Variants in DIAPH2 observed in about 807,000 individuals in gnomAD.
DIAPH2 encodes the protein protein diaphanous homolog 2.
In DIAPH2, 35 loss-of-function variants were observed where a neutral mutation model predicts 92.7. That is an observed-to-expected ratio of 0.38 (90% CI 0.29 to 0.50). The LOEUF is 0.50. Among genes scored for constraint, DIAPH2 ranks in the 20% least tolerant of loss-of-function variants. The pLI, the probability that DIAPH2 is intolerant of heterozygous loss-of-function variation, is 0.94. For missense variants in DIAPH2, 701 were observed against 819.5 expected, an observed-to-expected ratio of 0.86 and a Z score of 1.77; for synonymous variants, 301 against 280.4, an observed-to-expected ratio of 1.07 and a Z score of -0.73.
rs757350667 is a variant in DIAPH2 at position 96,965,133 on chromosome X, G to T, written c.1976G>T (p.Arg659Ile). ...TELSENCFWLRVKEDKFENPD... is the reference protein window; with the variant it reads ...TELSENCFWLIVKEDKFENPD... Reference sequence around the variant, plus strand: ...TTATCTGAGAACTGTTTCTGGTTAAGAGTCAAAGAAGACAAGTTTGAGAAT... The same window carrying T: ...TTATCTGAGAACTGTTTCTGGTTAATAGTCAAAGAAGACAAGTTTGAGAAT... Residue 659 changes from arginine to isoleucine, a missense_variant, in exon 17 of 27, where the codon AGA (arginine) becomes ATA (isoleucine). By Grantham distance (97) the Arg-to-Ile change is moderately conservative. Transcript: ENST00000324765. 4 of 1,196,014 alleles carry T rather than the reference G, an allele frequency of 3.3e-6. No individual in the cohort carries two copies. In the Admixed American group the frequency reaches 8.9e-5, roughly 27 times the overall value.
In DIAPH2 at chrX:97,515,558, C is replaced by T. The variant is rs192186128; in HGVS notation, c.3242-83695C>T. ...GAACCCAAACCTGTGTATTCTTATG[C>T]TTAGGTTTGATGAAGAAGTGGAGGG... is the stretch of plus-strand genomic sequence containing the variant. On this transcript the variant is annotated intron_variant, in intron 26 of 26. Transcript: ENST00000324765. Among the ~76,000 whole-genome samples, 622 of 112,027 alleles carry T rather than the reference C, an allele frequency of 5.6e-3. 2 individuals carry two copies. The highest frequency in any genetic ancestry group is 0.019 in the African/African-American group (591 of 30,840).
rs536053428 is a variant in DIAPH2 at position 96,721,836 on chromosome X, C to T, written c.133-13922C>T. Among the ~76,000 whole-genome samples the T allele has an allele frequency of 2.6e-3, 293 of 110,955 alleles. 6 individuals carry two copies. In the South Asian group the frequency reaches 0.097, roughly 37 times the overall value. The stretch of plus-strand genomic sequence containing the variant: ...TGCCTTGGTTTCCTAATCAGAAAAA[C>T]GGGAATAATAATAATAGCTACATTA... On this transcript the variant is annotated intron_variant, in intron 1 of 26. Coordinates refer to ENST00000324765, the MANE Select transcript of DIAPH2 (RefSeq NM_006729.5).
At chrX:97,240,871 T>A (rs1393321383) in intron 22 of DIAPH2, among the ~76,000 whole-genome samples, 1 of 111,436 alleles carries the variant, frequency 9.0e-6, no homozygotes, top group African/African-American at 3.3e-5. Context: ...AAGGAAGATA[T>A]TATCATCATC....
intron 25 of DIAPH2, among the ~76,000 whole-genome samples, chrX:97,387,484 C>T (rs1002441611): frequency 1.8e-5 from 2 of 112,192 alleles, no homozygotes; most frequent in African/African-American, 6.5e-5. Context: ...GCCAATGTTA[C>T]AGTTCAAGTC....
chrX:96,784,097 G>A (rs2064438280), intron 4 of DIAPH2, among the ~76,000 whole-genome samples: 1 of 111,855 alleles, frequency 8.9e-6, no homozygotes, highest in Admixed American at 9.5e-5. Flanking sequence ...TAGGTAAGGA[G>A]GTATTTTGCT....
chrX:96,815,127 C>T (rs2064721128), intron 4 of DIAPH2, among the ~76,000 whole-genome samples: 1 of 112,094 alleles, frequency 8.9e-6, no homozygotes, highest in Non-Finnish European at 1.9e-5. Flanking sequence ...TCAGCTATGC[C>T]CTGCCCCCCG....
intron 26 of DIAPH2, among the ~76,000 whole-genome samples, chrX:97,505,913 A>G (rs180740476): frequency 9.0e-6 from 1 of 110,697 alleles, no homozygotes; most frequent in East Asian, 2.8e-4. Flanking sequence ...GTGGCTCTGT[A>G]TATTTCCAAT....
Position 96,971,439 on chromosome X carries a change from T to G in DIAPH2, c.2050+6232T>G, listed in dbSNP as rs747393723. Among the ~76,000 whole-genome samples, 9 of 111,363 alleles carry G rather than the reference T, an allele frequency of 8.1e-5. No homozygotes were observed. The East Asian group carries it at 2.0e-3, about 24-fold the overall frequency. ...CTCTGTGTGTGTGTGTATGTGTGTG[T>G]GTGTGGGTGTGGGTGTATGTGTGTG... On this transcript the variant is annotated intron_variant, in intron 17 of 26. Coordinates refer to ENST00000324765, the MANE Select transcript of DIAPH2 (RefSeq NM_006729.5).
At chrX:97,368,075 T>A (rs951023206) in intron 24 of DIAPH2, among the ~76,000 whole-genome samples, 1 of 112,680 alleles carries the variant, frequency 8.9e-6, no homozygotes, top group Non-Finnish European at 1.9e-5. Flanking sequence ...CTTCAGCAGC[T>A]AACTAATCTT....
chrX:96,945,807 A>G (rs1023839268), intron 14 of DIAPH2, among the ~76,000 whole-genome samples: 3 of 111,905 alleles, frequency 2.7e-5, no homozygotes, highest in African/African-American at 9.7e-5. Flanking sequence ...TTATGGAAGA[A>G]AAACACTAGC....
chrX:97,020,536 A>G (rs1428703069), intron 17 of DIAPH2, among the ~76,000 whole-genome samples: 1 of 112,079 alleles, frequency 8.9e-6, no homozygotes, highest in Non-Finnish European at 1.9e-5. Context: ...ATAGTAAGAA[A>G]CTAACAGCTA....
chrX:97,434,657 G>A (rs1019556273), intron 26 of DIAPH2, among the ~76,000 whole-genome samples: 10 of 110,401 alleles, frequency 9.1e-5, no homozygotes, highest in Admixed American at 3.9e-4. Context: ...TGATCCGCCC[G>A]CCTTGGCCTC....
At chrX:96,778,156 G>C (rs1369605819) in intron 4 of DIAPH2, among the ~76,000 whole-genome samples, 20 of 107,668 alleles carry the variant, frequency 1.9e-4, no homozygotes, top group Non-Finnish European at 2.9e-4. Flanking sequence ...CCTTGCGATA[G>C]TTTGCTGAGA....
intron 9 of DIAPH2, among the ~76,000 whole-genome samples, chrX:96,926,532 C>A (rs2065582917): frequency 9.0e-6 from 1 of 110,937 alleles, no homozygotes; most frequent in Non-Finnish European, 1.9e-5. Context: ...AAGACAACAG[C>A]ATCTGGTGAC....
At chrX:96,800,958 G>C (rs1344551969) in intron 4 of DIAPH2, among the ~76,000 whole-genome samples, 2 of 112,186 alleles carry the variant, frequency 1.8e-5, no homozygotes, top group African/African-American at 6.5e-5. Flanking sequence ...CCTATTTCTT[G>C]TAACTTATCA....
At chrX:97,202,572 A>G (rs886675998) in intron 22 of DIAPH2, among the ~76,000 whole-genome samples, 3 of 112,435 alleles carry the variant, frequency 2.7e-5, no homozygotes, top group African/African-American at 9.7e-5. Context: ...AACAAAGGTT[A>G]AAAAAGGTAA....
intron 23 of DIAPH2, among the ~76,000 whole-genome samples, chrX:97,249,744 A>G (rs934578553): frequency 9.0e-6 from 1 of 111,429 alleles, no homozygotes; most frequent in African/African-American, 3.3e-5. Flanking sequence ...TATATTTTTT[A>G]CCCTTCTGGC....
intron 4 of DIAPH2, among the ~76,000 whole-genome samples, chrX:96,812,711 G>A (rs985335639): frequency 2.7e-5 from 3 of 111,705 alleles, no homozygotes; most frequent in Non-Finnish European, 5.6e-5. Flanking sequence ...AGAGATTCTG[G>A]TACACTGTGT....
chrX:96,777,742 C>G (rs1409184182), intron 4 of DIAPH2, among the ~76,000 whole-genome samples: 1 of 111,174 alleles, frequency 9.0e-6, no homozygotes, highest in Non-Finnish European at 1.9e-5. Context: ...ATTAAAATCA[C>G]CCAGAATTTT....
Sources: gnomAD v4.1 joint callset for allele counts (sites outside exome capture counted in the v4.1 genomes callset) on GRCh38, gnomAD v4.1.1 for gene constraint, MANE v1.5 for transcripts, NCBI Gene and HGNC (gene_info 2026-07-23, HGNC 2026-07-21) for gene names.